MYO10: variants seen among roughly 807,000 people sequenced by gnomAD.
MYO10 encodes the protein unconventional myosin-X.
A neutral mutation model predicts 257.3 loss-of-function variants in MYO10; 133 were observed. That is an observed-to-expected ratio of 0.52 (90% CI 0.45 to 0.60). The LOEUF is 0.60. Among genes scored for constraint, MYO10 ranks in the 20% least tolerant of loss-of-function variants. MYO10 has a pLI of 0.00. For missense variants in MYO10, 2,399 were observed against 2,635.7 expected, an observed-to-expected ratio of 0.91 and a Z score of 1.97; for synonymous variants, 1,104 against 1,028.6, an observed-to-expected ratio of 1.07 and a Z score of -1.40.
Position 16,758,327 on chromosome 5 carries a change from G to C in MYO10, c.1740-101C>G, listed in dbSNP as rs963310051. The stretch of plus-strand genomic sequence containing the variant: ...TGCCCTTTCTCAATGATAATTCAAA[G>C]TAATACACCCTAGGCCTGGAAGAAC... On this transcript the variant is annotated intron_variant, in intron 17 of 40. Transcript: ENST00000513610. The C allele has an allele frequency of 4.8e-6, 4 of 830,998 alleles. No individual in the cohort carries two copies. The African/African-American group carries it at 6.7e-5, about 14-fold the overall frequency. 51.5% of individuals were successfully genotyped at this position (830,998 alleles called of 1,614,324 possible). A position where few individuals can be genotyped will look rare whatever the true frequency, so the allele number is the denominator to read the frequency against.
intron 23 of MYO10, 107 bp from the exon 24 acceptor site, chr5:16,702,695 A>C: frequency 8.9e-7 from 1 of 1,124,056 alleles, no homozygotes; most frequent in South Asian, 1.4e-5. Flanking sequence ...GAAAGCATGA[A>C]AGACAGAGCC....
chr5:16,894,253 C>A (rs990667582), intron 1 of MYO10, among the ~76,000 whole-genome samples: 2 of 152,176 alleles, frequency 1.3e-5, no homozygotes, highest in African/African-American at 4.8e-5. Flanking sequence ...ATGTAATCGT[C>A]ATGCTCCTTC....
chr5:16,787,826 T>C (rs547228506), intron 4 of MYO10, among the ~76,000 whole-genome samples: 20 of 151,858 alleles, frequency 1.3e-4, no homozygotes, highest in Middle Eastern at 3.4e-3. Flanking sequence ...GTGTGTGAGT[T>C]TCGCTCTGTC....
In MYO10 at chr5:16,666,602, T is replaced by G; in HGVS notation, c.*90A>C. ...CCAGAAAGCCTGGGCAGCTCTGTGT[T>G]TGTTTTGGCTGGGCATGGCACACTG... On this transcript the variant is annotated 3_prime_UTR_variant, in exon 41 of 41. Transcript: ENST00000513610. 2.7e-6 allele frequency: 3 copies of G among 1,099,978 alleles called. No individual in the cohort carries two copies. The highest frequency in any genetic ancestry group is 3.9e-6 in the Non-Finnish European group (3 of 774,906). 68.1% of individuals were successfully genotyped at this position (1,099,978 alleles called of 1,614,324 possible).
chr5:16,761,134 G>GCA, intron 17 of MYO10, among the ~76,000 whole-genome samples: 1 of 152,186 alleles, frequency 6.6e-6, no homozygotes, highest in Admixed American at 6.5e-5. Flanking sequence ...GGGATTACAG[G>GCA]TGCCTGCCAC....
At chr5:16,741,876 C>A (rs982177534) in intron 19 of MYO10, 1 of 985,422 alleles carries the variant, frequency 1.0e-6, no homozygotes, top group Middle Eastern at 5.2e-4. Context: ...CGGGCAAGGG[C>A]ATCTAAGCTG....
intron 2 of MYO10, among the ~76,000 whole-genome samples, chr5:16,875,064 A>T (rs1188386423): frequency 6.6e-6 from 1 of 152,170 alleles, no homozygotes. Context: ...GGGAAAGACT[A>T]GCCCCCGTGA....
At chr5:16,920,803 T>C (rs1745958938) in intron 1 of MYO10, among the ~76,000 whole-genome samples, 1 of 152,148 alleles carries the variant, frequency 6.6e-6, no homozygotes, top group Non-Finnish European at 1.5e-5. Flanking sequence ...GACTTCTGAA[T>C]CTAGACTTCT....
At chr5:16,796,464 GAAAGAAAAGA>G (rs202181181) in intron 3 of MYO10, among the ~76,000 whole-genome samples, 2,910 of 100,096 alleles carry the variant, frequency 0.029, 152 homozygotes, top group East Asian at 0.21. Context: ...AAGAAAGAAA[GAAAGAAAAGA>G]AAAGAAAAGA....
chr5:16,676,746 C>T (rs1343650951), intron 33 of MYO10, among the ~76,000 whole-genome samples: 1 of 152,130 alleles, frequency 6.6e-6, no homozygotes, highest in Non-Finnish European at 1.5e-5. Flanking sequence ...CACAGTGGCT[C>T]ATGCCTGTGC....
chr5:16,783,328 T>TAAAC lies in MYO10; in HGVS notation c.602+6_602+7insGTTT, dbSNP rs71595983. 387,996 of 1,554,524 alleles carry TAAAC rather than the reference T, an allele frequency of 0.25. 50,584 individuals carry two copies. The highest frequency in any genetic ancestry group is 0.26 in the Non-Finnish European group (302,384 of 1,152,906). ...TATTAGTTGGAAACAAGAAAATCAA[T>TAAAC]AAATACCTGCTTTCAAGAATAGCTC... On this transcript the variant is annotated splice_region_variant and intron_variant, in intron 5 of 40. Coordinates refer to ENST00000513610, the MANE Select transcript of MYO10 (RefSeq NM_012334.3).
intron 21 of MYO10, among the ~76,000 whole-genome samples, chr5:16,709,309 C>T (rs1247439715): frequency 1.3e-5 from 2 of 152,108 alleles, no homozygotes; most frequent in South Asian, 4.2e-4. Flanking sequence ...GGGGGCACAC[C>T]CTCAGGTGGC....
rs559765430 is a variant in MYO10 at position 16,890,414 on chromosome 5, C to A, written c.22-12707G>T. Among the ~76,000 whole-genome samples, 29 of 151,898 alleles carry A rather than the reference C, an allele frequency of 1.9e-4. No individual in the cohort carries two copies. In the South Asian group the frequency reaches 5.6e-3, roughly 29 times the overall value. On this transcript the variant is annotated intron_variant, in intron 1 of 40. Coordinates refer to ENST00000513610, the MANE Select transcript of MYO10 (RefSeq NM_012334.3). The stretch of plus-strand genomic sequence containing the variant: ...ACCCCAGAGACGTGAAAACATATGT[C>A]CACACGAAAACTTGTACACAAATGT...
At chr5:16,737,366 AG>A (rs1018665773) in intron 19 of MYO10, among the ~76,000 whole-genome samples, 1 of 152,206 alleles carries the variant, frequency 6.6e-6, no homozygotes, top group Non-Finnish European at 1.5e-5. Flanking sequence ...CATCTGAGAC[AG>A]TGGCTAGCAC....
intron 1 of MYO10, among the ~76,000 whole-genome samples, chr5:16,933,713 G>C (rs1254088420): frequency 6.6e-6 from 1 of 152,202 alleles, no homozygotes; most frequent in Non-Finnish European, 1.5e-5. Context: ...GAGAGAGAAA[G>C]GGGAGCTGGG....
chr5:16,754,642 A>G (rs1328158054), intron 19 of MYO10, among the ~76,000 whole-genome samples, 186 bp downstream of exon 19: 2 of 152,172 alleles, frequency 1.3e-5, no homozygotes, highest in Non-Finnish European at 2.9e-5. Flanking sequence ...CATCACTCAA[A>G]AGCAGACTAA....
chr5:16,680,043 G>C lies in MYO10; in HGVS notation c.4446C>G (p.Leu1482=), dbSNP rs761058688. Residue 1482 remains leucine (L), a synonymous_variant, in exon 33 of 41, where the codon CTC becomes CTG. Coordinates refer to ENST00000513610, the MANE Select transcript of MYO10 (RefSeq NM_012334.3). The stretch of plus-strand genomic sequence containing the variant: ...CACTGGACCACCGGGTGGCCTCGTT[G>C]AGCAGCTTGGTGTAGAGCCGGTAAC... ...KHCYRLYTKL[L]NEATRWSSAI... 3.1e-6 allele frequency: 5 copies of C among 1,613,896 alleles called. No homozygotes were observed. Among genetic ancestry groups the C allele is most frequent in the African/African-American group, 1.3e-5 (1 of 75,044 alleles).
chr5:16,733,028 G>A (rs1489527343), intron 19 of MYO10, among the ~76,000 whole-genome samples: 1 of 152,160 alleles, frequency 6.6e-6, no homozygotes, highest in Non-Finnish European at 1.5e-5. Flanking sequence ...CAGCTACTCA[G>A]GAGGCTGAGG....
intron 1 of MYO10, among the ~76,000 whole-genome samples, chr5:16,886,711 C>G (rs1454885333): frequency 2.0e-5 from 3 of 152,034 alleles, no homozygotes; most frequent in Non-Finnish European, 2.9e-5. Flanking sequence ...GAAGGCGGAT[C>G]ACTTGAGATC....
Sources: gnomAD v4.1 joint callset for allele counts (sites outside exome capture counted in the v4.1 genomes callset) on GRCh38, gnomAD v4.1.1 for gene constraint, MANE v1.5 for transcripts, NCBI Gene and HGNC (gene_info 2026-07-23, HGNC 2026-07-21) for gene names.